The following ZAN variants were observed in gnomAD, a reference collection of about 807,000 sequenced individuals.
ZAN encodes zonadhesin, also known as zonadhesin (gene/pseudogene).
In ZAN, 260 loss-of-function variants were observed where a neutral mutation model predicts 286.2. The observed-to-expected ratio is 0.91, with a 90% CI of 0.82 to 1.01. ZAN has a LOEUF of 1.01. ZAN is among the 50% of genes least tolerant of loss of function. The pLI, the probability that ZAN is intolerant of heterozygous loss-of-function variation, is 0.00. For missense variants in ZAN, 3,410 were observed against 3,639.2 expected (o/e 0.94, Z 1.62); for synonymous variants, 1,368 against 1,417.5 (o/e 0.97, Z 0.79).
intron 28 of ZAN, 118 bp from the exon 29 acceptor site, chr7:100,771,726 C>A (rs746320214): frequency 7.1e-5 from 82 of 1,150,074 alleles, no homozygotes; most frequent in Non-Finnish European, 9.5e-5. Flanking sequence ...GCCACTGTGC[C>A]TGGCGGGAAA....
At chr7:100,794,075 A>G (rs778333232) in intron 43 of ZAN, 45 bp from the exon 44 acceptor site, 2 of 1,613,574 alleles carry the variant, frequency 1.2e-6, no homozygotes, top group Non-Finnish European at 1.7e-6. Flanking sequence ...GAGCCAGACC[A>G]GGGATGGAAC....
At chr7:100,743,118 G>C (rs1039496052) in intron 7 of ZAN, among the ~76,000 whole-genome samples, 1 of 149,752 alleles carries the variant, frequency 6.7e-6, no homozygotes, top group African/African-American at 2.5e-5. Context: ...CTGCCTTCCG[G>C]GTTCAAGCGA....
Position 100,785,890 on chromosome 7 carries a change from C to T in ZAN, c.6835-107C>T, listed in dbSNP as rs570515895. On this transcript the variant is annotated intron_variant, in intron 36 of 47. Transcript: ENST00000613979. Reference sequence around the variant, plus strand: ...GCTGGGCTCGTCACAAACTCCTGACCTCAGGTGATCCACCCGTCTCGGCCT... The same window carrying T: ...GCTGGGCTCGTCACAAACTCCTGACTTCAGGTGATCCACCCGTCTCGGCCT... 4 of 1,412,392 alleles carry T rather than the reference C, an allele frequency of 2.8e-6. No homozygotes were observed. The East Asian group carries it at 1.0e-4, about 35-fold the overall frequency. The allele number at this position is 1,412,392 out of a possible 1,614,324, so 87.5% of individuals were successfully genotyped here.
At chr7:100,764,295 G>GCATGTCTACAC in intron 22 of ZAN, 99 bp downstream of exon 22, 1 of 1,385,418 alleles carries the variant, frequency 7.2e-7, no homozygotes, top group Non-Finnish European at 9.4e-7. Flanking sequence ...ATGAGATCAG[G>GCATGTCTACAC]AGTTTGGGAC....
In ZAN at chr7:100,776,441, T is replaced by TC. The variant is rs751024734; in HGVS notation, c.6195dup (p.Cys2066LeufsTer9). The TC allele has an allele frequency of 5.0e-6, 8 of 1,605,444 alleles. No homozygotes were observed. In the African/African-American group the frequency reaches 1.1e-4, roughly 21 times the overall value. Reference sequence around the variant, plus strand: ...CGAAAAACCACTCTCCCCCGCCAGGTCTGCGGCATGTGTGGGAACTTCAAT... The same window carrying TC: ...CGAAAAACCACTCTCCCCCGCCAGGTCCTGCGGCATGTGTGGGAACTTCAAT... On this transcript the variant is annotated frameshift_variant and splice_region_variant, in exon 34 of 48. Coordinates refer to ENST00000613979, the MANE Select transcript of ZAN (RefSeq NM_003386.3). LOFTEE classifies it high-confidence loss of function.
At chr7:100,749,651 A>AAAAAAAT (rs1360254873) in intron 11 of ZAN, among the ~76,000 whole-genome samples, 2 of 109,440 alleles carry the variant, frequency 1.8e-5, no homozygotes, top group African/African-American at 3.6e-5. Flanking sequence ...AAAAAAAAAA[A>AAAAAAAT]ATATATATAT....
Position 100,746,960 on chromosome 7 carries a change from T to C in ZAN, c.931+258T>C, listed in dbSNP as rs1808266466. 2.0e-5 allele frequency among the ~76,000 whole-genome samples: 3 copies of C among 152,232 alleles called. No homozygotes were observed. In the South Asian group the frequency reaches 6.2e-4, roughly 32 times the overall value. On this transcript the variant is annotated intron_variant, in intron 8 of 47. Coordinates refer to ENST00000613979, the MANE Select transcript of ZAN (RefSeq NM_003386.3). ...ACTAAAAATACAAAAATTAGCTGCC[T>C]GTAGTCCCAGCTACACGGGAGGCTG...
intron 37 of ZAN, among the ~76,000 whole-genome samples, chr7:100,787,290 G>C (rs1476443750): frequency 6.6e-6 from 1 of 151,400 alleles, no homozygotes; most frequent in Non-Finnish European, 1.5e-5. Context: ...TTAGCTAGGG[G>C]TGGTGGTGCG....
chr7:100,789,443 C>G, intron 39 of ZAN, 96 bp downstream of exon 39: 1 of 1,545,584 alleles, frequency 6.5e-7, no homozygotes, highest in Non-Finnish European at 8.7e-7. Context: ...TGAGCAGACT[C>G]GGCCCGGTAG....
intron 27 of ZAN, among the ~76,000 whole-genome samples, 154 bp from the exon 28 acceptor site, chr7:100,769,726 G>A (rs999335628): frequency 6.6e-6 from 1 of 151,814 alleles, no homozygotes; most frequent in Non-Finnish European, 1.5e-5. Flanking sequence ...TAAAAATTTT[G>A]TGTAGAGATA....
At chr7:100,786,916 G>A (rs915279611) in intron 37 of ZAN, among the ~76,000 whole-genome samples, 1 of 152,108 alleles carries the variant, frequency 6.6e-6, no homozygotes, top group Non-Finnish European at 1.5e-5. Context: ...TAAAAAATTA[G>A]TTAGGTGTAG....
At chr7:100,796,366 AGG>A (rs1022547015) in intron 45 of ZAN, among the ~76,000 whole-genome samples, 1 of 151,020 alleles carries the variant, frequency 6.6e-6, no homozygotes, top group Non-Finnish European at 1.5e-5. Flanking sequence ...TGTATATTCC[AGG>A]ACACACTCTG....
rs558177512 is a variant in ZAN, at chr7:100,795,855, A to G, written c.8266+519A>G. Reference sequence around the variant, plus strand: ...TGGGAGGTGGAGGTTGCAGTGAGCCAAGATCAAGCCACTGCACTCCAGCCT... The same window carrying G: ...TGGGAGGTGGAGGTTGCAGTGAGCCGAGATCAAGCCACTGCACTCCAGCCT... On this transcript the variant is annotated intron_variant, in intron 45 of 47. Coordinates refer to ENST00000613979, the MANE Select transcript of ZAN (RefSeq NM_003386.3). Among the ~76,000 whole-genome samples the G allele has an allele frequency of 1.1e-4, 17 of 151,916 alleles. No homozygotes were observed. The South Asian group carries it at 3.1e-3, about 28-fold the overall frequency.
At chr7:100,787,321 C>T (rs1191695285) in intron 37 of ZAN, among the ~76,000 whole-genome samples, 1 of 151,640 alleles carries the variant, frequency 6.6e-6, no homozygotes, top group African/African-American at 2.4e-5. Flanking sequence ...CCCAGCTACT[C>T]AGGAGGATCA....
intron 7 of ZAN, among the ~76,000 whole-genome samples, chr7:100,746,323 T>C (rs1808214167): frequency 6.6e-6 from 1 of 152,180 alleles, no homozygotes; most frequent in South Asian, 2.1e-4. Flanking sequence ...GTCCGCCGCT[T>C]CCCATGGCAG....
intron 23 of ZAN, among the ~76,000 whole-genome samples, chr7:100,766,029 CG>C (rs1434682331): frequency 6.6e-6 from 1 of 150,972 alleles, no homozygotes; most frequent in Non-Finnish European, 1.5e-5. Context: ...ATCTGTTGTC[CG>C]GGCTGGAGTG....
At chr7:100,797,272 T>C (rs1812421207) in intron 45 of ZAN, 94 bp from the exon 46 acceptor site, 1 of 1,189,808 alleles carries the variant, frequency 8.4e-7, no homozygotes, top group Non-Finnish European at 1.2e-6. Flanking sequence ...TGAGGTCCCC[T>C]GGGGTAGCAA....
intron 15 of ZAN, among the ~76,000 whole-genome samples, chr7:100,756,533 T>C (rs1416059521): frequency 6.6e-6 from 1 of 152,066 alleles, no homozygotes; most frequent in Non-Finnish European, 1.5e-5. Flanking sequence ...GCTTGTCCCT[T>C]TTGGGACTAT....
At position 100,751,865 on chromosome 7, in the gene ZAN, C is replaced by G. The variant is rs766619312; in HGVS notation, c.1760C>G (p.Pro587Arg). The G allele has an allele frequency of 1.2e-6, 2 of 1,613,614 alleles. No homozygotes were observed. The highest frequency in any genetic ancestry group is 1.7e-6 in the Non-Finnish European group (2 of 1,179,838). ...GTCACCACAGAAAAGCCCACAGTCC[C>G]CAAAGAAAAGCCCACCATTCCCACA... is the stretch of plus-strand genomic sequence containing the variant. ...PSVTTEKPTV[P>R]KEKPTIPTEK... is the part of the protein sequence containing the mutation. Residue 587 changes from proline (P) to arginine (R), a missense_variant, in exon 14 of 48, where the codon CCC (proline) becomes CGC (arginine). Pro to Arg is a moderately radical substitution (Grantham distance 103, BLOSUM62 -2). Transcript: ENST00000613979.
Sources: allele counts gnomAD v4.1 joint callset (sites outside exome capture counted in the v4.1 genomes callset), GRCh38; gene constraint gnomAD v4.1.1; transcripts MANE v1.5; gene names NCBI Gene and HGNC (gene_info 2026-07-23, HGNC 2026-07-21).